The following ADAMTS17 variants were observed in gnomAD, a reference collection of about 807,000 sequenced individuals.
ADAMTS17 encodes the protein A disintegrin and metalloproteinase with thrombospondin motifs 17.
Under a neutral mutation model 141.5 loss-of-function variants are expected in ADAMTS17, and 113 were observed. That is an observed-to-expected ratio of 0.80 (90% CI 0.69 to 0.93). The LOEUF is 0.93. ADAMTS17 is among the 40% of genes least tolerant of loss of function. The pLI, the probability that ADAMTS17 is intolerant of heterozygous loss-of-function variation, is 0.00. For missense variants in ADAMTS17, 1,659 were observed against 1,517.9 expected (o/e 1.09, Z -1.54); for synonymous variants, 768 against 630.6 (o/e 1.22, Z -3.27).
chr15:100,195,202 C>A (rs113878549), intron 8 of ADAMTS17, among the ~76,000 whole-genome samples: 1 of 152,236 alleles, frequency 6.6e-6, no homozygotes, highest in African/African-American at 2.4e-5. Flanking sequence ...TGCCTCCAGG[C>A]AGCAGCAAGG....
At position 100,261,492 on chromosome 15, in the gene ADAMTS17, C is replaced by A; in HGVS notation, c.1018G>T (p.Val340Leu). The change falls in exon 6 of 22, where the codon GTG becomes TTG. Residue 340 changes from valine to leucine, a missense_variant. By Grantham distance (32) the Val-to-Leu change is conservative (BLOSUM62 1). Coordinates refer to ENST00000268070, the MANE Select transcript of ADAMTS17 (RefSeq NM_139057.4). ...ATCCCATCTTACCTGGTCACAAACA[C>A]GGCAGCATCCACCAGGGGCGGGTCG... Reference protein sequence around the residue: ...KDDPPLVDAAVFVTRTDFCVH... With the variant: ...KDDPPLVDAALFVTRTDFCVH... 6.2e-7 allele frequency: 1 copy of A among 1,614,116 alleles called. No individual in the cohort carries two copies. Among genetic ancestry groups the A allele is most frequent in the Non-Finnish European group, 8.5e-7 (1 of 1,180,028 alleles).
intron 2 of ADAMTS17, among the ~76,000 whole-genome samples, chr15:100,334,626 T>G (rs1179034821): frequency 1.3e-5 from 2 of 152,128 alleles, no homozygotes; most frequent in Non-Finnish European, 2.9e-5. Flanking sequence ...CCTCTTTCCG[T>G]GGAAGGAGGC....
intron 3 of ADAMTS17, among the ~76,000 whole-genome samples, chr15:100,328,183 G>C (rs1236635225): frequency 6.6e-6 from 1 of 152,130 alleles, no homozygotes; most frequent in Non-Finnish European, 1.5e-5. Context: ...ATCTTTCTAG[G>C]AAAGATTAGG....
chr15:100,288,450 T>C (rs1271255699), intron 3 of ADAMTS17, among the ~76,000 whole-genome samples: 3 of 152,094 alleles, frequency 2.0e-5, no homozygotes, highest in Admixed American at 6.5e-5. Context: ...CAGTATTACA[T>C]AGATCATCAA....
At chr15:99,994,681 C>T (rs2060762541) in intron 19 of ADAMTS17, among the ~76,000 whole-genome samples, 1 of 152,198 alleles carries the variant, frequency 6.6e-6, no homozygotes, top group Non-Finnish European at 1.5e-5. Context: ...ATTCTCCTGC[C>T]TCAGCCTCCT....
At chr15:100,104,948 T>G (rs1207120242) in intron 14 of ADAMTS17, among the ~76,000 whole-genome samples, 1 of 152,264 alleles carries the variant, frequency 6.6e-6, no homozygotes, top group East Asian at 1.9e-4. Flanking sequence ...AAAAGTTCAT[T>G]AACTACGACT....
intron 8 of ADAMTS17, among the ~76,000 whole-genome samples, chr15:100,187,106 A>C (rs2040746182): frequency 1.3e-5 from 2 of 152,186 alleles, no homozygotes; most frequent in Admixed American, 6.5e-5. Flanking sequence ...TCCATCACCC[A>C]GGACCTCAGC....
At chr15:100,025,207 T>C (rs948450085) in intron 18 of ADAMTS17, among the ~76,000 whole-genome samples, 4 of 152,226 alleles carry the variant, frequency 2.6e-5, no homozygotes, top group African/African-American at 9.7e-5. Flanking sequence ...GTAAGTTTCC[T>C]TGCCACATTT....
rs143927851 is a variant in ADAMTS17, at chr15:100,226,362, G to A, written c.1076-26939C>T. Among the ~76,000 whole-genome samples, 25 of 152,316 alleles carry A rather than the reference G, an allele frequency of 1.6e-4. 1 individual carries two copies. Among genetic ancestry groups the A allele is most frequent in the African/African-American group, 4.6e-4 (19 of 41,560 alleles). On this transcript the variant is annotated intron_variant, in intron 7 of 21. Coordinates refer to ENST00000268070, the MANE Select transcript of ADAMTS17 (RefSeq NM_139057.4). Reference sequence around the variant, plus strand: ...CTCCAAAGATAAGCAGGAGTCAGCCGGGGGAAAAGGAGGCTTGGCCCTTCA... The same window carrying A: ...CTCCAAAGATAAGCAGGAGTCAGCCAGGGGAAAAGGAGGCTTGGCCCTTCA...
rs2060207205 is a variant in ADAMTS17 at position 99,971,665 on chromosome 15, GTATTGCCATAGAGGCTCT to G, written c.*2719_*2736del. On this transcript the variant is annotated 3_prime_UTR_variant, in exon 22 of 22. Transcript: ENST00000268070. ...ACTCTGAAACGAAAAAAGGACAATC[GTATTGCCATAGAGGCTCT>G]TTTCCTGCATTCTGATCCTATCCAG... The G allele has an allele frequency of 6.6e-6, 1 of 152,146 alleles. No homozygotes were observed. The highest frequency in any genetic ancestry group is 2.4e-5 in the African/African-American group (1 of 41,424). 9.4% of individuals were successfully genotyped at this position (152,146 alleles called of 1,614,324 possible). A position where few individuals can be genotyped will look rare whatever the true frequency, so the allele number is the denominator to read the frequency against.
At chr15:100,090,320 G>A (rs1284314175) in intron 15 of ADAMTS17, among the ~76,000 whole-genome samples, 1 of 152,210 alleles carries the variant, frequency 6.6e-6, no homozygotes, top group African/African-American at 2.4e-5. Flanking sequence ...AGATCCGCTT[G>A]TGGGGGATGA....
intron 3 of ADAMTS17, among the ~76,000 whole-genome samples, chr15:100,298,170 G>T (rs1225583560): frequency 6.6e-6 from 1 of 152,158 alleles, no homozygotes; most frequent in African/African-American, 2.4e-5. Context: ...AGAGAGACAG[G>T]AATGCAGCTA....
intron 15 of ADAMTS17, among the ~76,000 whole-genome samples, chr15:100,086,737 G>A (rs2035128101): frequency 6.7e-6 from 1 of 148,820 alleles, no homozygotes; most frequent in African/African-American, 2.5e-5. Context: ...GCTCCTGAAT[G>A]ACTACTGGGT....
chr15:100,043,344 G>A (rs1018760220), intron 18 of ADAMTS17, among the ~76,000 whole-genome samples: 1 of 152,190 alleles, frequency 6.6e-6, no homozygotes, highest in East Asian at 1.9e-4. Context: ...GTCAGGAAGG[G>A]AGTGTAAGGA....
chr15:100,179,035 A>G (rs1003845835), intron 8 of ADAMTS17, among the ~76,000 whole-genome samples: 41 of 152,288 alleles, frequency 2.7e-4, no homozygotes, highest in African/African-American at 9.6e-4. Context: ...CAGACATACA[A>G]TGTCTAATAA....
chr15:100,009,811 A>G (rs977683673), intron 18 of ADAMTS17, among the ~76,000 whole-genome samples: 2 of 152,158 alleles, frequency 1.3e-5, no homozygotes, highest in African/African-American at 4.8e-5. Flanking sequence ...CAACAGATTT[A>G]CATGATTTAG....
intron 6 of ADAMTS17, among the ~76,000 whole-genome samples, chr15:100,257,502 T>C (rs2043366802): frequency 6.6e-6 from 1 of 152,214 alleles, no homozygotes; most frequent in Non-Finnish European, 1.5e-5. Flanking sequence ...CTTCAAGGCG[T>C]CAGCCCAAAA....
chr15:100,149,927 C>T (rs532284306), intron 10 of ADAMTS17, among the ~76,000 whole-genome samples: 87 of 152,366 alleles, frequency 5.7e-4, no homozygotes, highest in African/African-American at 2.0e-3. Flanking sequence ...AAGAAAGTGT[C>T]ACTAGCCTTG....
At chr15:100,117,042 C>G (rs1171651086) in intron 12 of ADAMTS17, 29 bp from the exon 13 acceptor site, 1 of 1,577,146 alleles carries the variant, frequency 6.3e-7, no homozygotes, top group Non-Finnish European at 8.6e-7. Context: ...TCTGTGTTAA[C>G]CAGGTGGTGC....
Sources: gnomAD v4.1 joint callset for allele counts (sites outside exome capture counted in the v4.1 genomes callset) on GRCh38, gnomAD v4.1.1 for gene constraint, MANE v1.5 for transcripts, NCBI Gene and HGNC (gene_info 2026-07-23, HGNC 2026-07-21) for gene names.